The following SRP54 variants were observed in gnomAD, a reference collection of about 807,000 sequenced individuals.
The protein encoded by SRP54 is signal recognition particle 54.
SRP54 carries 10 observed loss-of-function variants against 64.8 expected under a neutral mutation model. That is an observed-to-expected ratio of 0.15 (90% CI 0.10 to 0.26). The LOEUF is 0.26. Ranked by LOEUF, SRP54 falls within the 10% of genes least tolerant of loss-of-function variation. SRP54 has a pLI of 1.00. For synonymous variants in SRP54, 193 were observed against 185.6 expected (o/e 1.04, Z -0.32); for missense variants, 325 against 613.7 (o/e 0.53, Z 4.97).
At chr14:35,017,291 A>C (rs939740923) in intron 11 of SRP54, among the ~76,000 whole-genome samples, 3 of 151,944 alleles carry the variant, frequency 2.0e-5, no homozygotes, top group African/African-American at 7.3e-5. Context: ...TCTATTTCTA[A>C]TATTCTACTC....
rs746865581 is a variant in SRP54 at position 35,008,608 on chromosome 14, T to G, written c.361-19T>G. Reference sequence around the variant, plus strand: ...GTTATATTTTATGATATTATATTTTTAAATCTTTTCTCACCCAGCTAGCAT... The same window carrying G: ...GTTATATTTTATGATATTATATTTTGAAATCTTTTCTCACCCAGCTAGCAT... On this transcript the variant is annotated intron_variant, in intron 5 of 15. Transcript: ENST00000216774. The G allele has an allele frequency of 6.0e-6, 9 of 1,492,142 alleles. No individual in the cohort carries two copies. The highest frequency in any genetic ancestry group is 8.1e-6 in the Non-Finnish European group (9 of 1,109,980). The allele number at this position is 1,492,142 out of a possible 1,614,324, so 92.4% of individuals were successfully genotyped here. A position where few individuals can be genotyped will look rare whatever the true frequency, so the allele number is the denominator to read the frequency against.
chr14:34,984,615 C>A (rs950401033), intron 1 of SRP54, among the ~76,000 whole-genome samples: 4 of 152,190 alleles, frequency 2.6e-5, no homozygotes, highest in Non-Finnish European at 4.4e-5. Flanking sequence ...AATTCTCCTG[C>A]CTCAGCCTTC....
At chr14:35,022,874 A>T (rs530156525) in intron 13 of SRP54, 36 bp from the exon 14 acceptor site, 1 of 1,538,206 alleles carries the variant, frequency 6.5e-7, no homozygotes, top group Non-Finnish European at 8.8e-7. Flanking sequence ...ATGGTGAATG[A>T]TAATTGTGTG....
Position 35,028,917 on chromosome 14 carries a change from G to C in SRP54, c.1424-144G>C, listed in dbSNP as rs1481987927. The C allele has an allele frequency of 5.1e-6, 3 of 591,310 alleles. No homozygotes were observed. The African/African-American group carries it at 5.7e-5, about 11-fold the overall frequency. 36.6% of individuals were successfully genotyped at this position (591,310 alleles called of 1,614,324 possible). ...AACTGGTGATAATACAAATTTTTAG[G>C]TGGTACGTTCTTTAAGGCTGATGAC... On this transcript the variant is annotated intron_variant, in intron 15 of 15. Transcript: ENST00000216774.
chr14:35,001,161 G>C (rs1594989040), intron 4 of SRP54, 141 bp downstream of exon 4: 1 of 217,044 alleles, frequency 4.6e-6, no homozygotes, highest in African/African-American at 2.4e-5. Flanking sequence ...GGATTATTGA[G>C]TTTTCTTAGG....
intron 13 of SRP54, 30 bp from the exon 14 acceptor site, chr14:35,022,880 G>A: frequency 1.3e-6 from 2 of 1,550,578 alleles, no homozygotes; most frequent in Non-Finnish European, 1.7e-6. Context: ...AATGATAATT[G>A]TGTGTGAGAG....
chr14:34,983,784 G>A (rs1226008959), intron 1 of SRP54, among the ~76,000 whole-genome samples: 2 of 152,092 alleles, frequency 1.3e-5, no homozygotes, highest in Non-Finnish European at 2.9e-5. Flanking sequence ...ACTTGTTCTT[G>A]GCTACAAGGA....
In SRP54 at chr14:34,996,813, A is replaced by G. The variant is rs772548558; in HGVS notation, c.78+26A>G. 19 of 1,445,860 alleles carry G rather than the reference A, an allele frequency of 1.3e-5. No homozygotes were observed. The East Asian group carries it at 3.9e-4, about 29-fold the overall frequency. 89.6% of individuals were successfully genotyped at this position (1,445,860 alleles called of 1,614,324 possible). A position where few individuals can be genotyped will look rare whatever the true frequency, so the allele number is the denominator to read the frequency against. On this transcript the variant is annotated intron_variant, in intron 2 of 15. Transcript: ENST00000216774. ...GTATGTAAAATATTGTATGAAATATATATGATTGTATATTGTCACTAGCAT... is the reference window on the plus strand; with the variant it reads ...GTATGTAAAATATTGTATGAAATATGTATGATTGTATATTGTCACTAGCAT...
chr14:35,018,597 CTTCAA>C, intron 11 of SRP54, 90 bp from the exon 12 acceptor site: 3 of 948,440 alleles, frequency 3.2e-6, no homozygotes, highest in Non-Finnish European at 4.8e-6. Context: ...TATAAATATG[CTTCAA>C]GATGAATTCA....
intron 1 of SRP54, among the ~76,000 whole-genome samples, chr14:34,987,289 A>G (rs1434628421): frequency 1.4e-5 from 1 of 71,346 alleles, no homozygotes; most frequent in Non-Finnish European, 3.6e-5. Context: ...ATATATATAC[A>G]CACACACACA....
chr14:35,000,931 TA>T lies in SRP54; in HGVS notation c.171-2del. ...CCACCCCAATCACCAACCACCATCA[TA>T]AAGGTCTGCTATTGATCTTGAAGAG... On this transcript the variant is annotated splice_polypyrimidine_tract_variant and splice_region_variant and intron_variant, in intron 3 of 15. Coordinates refer to ENST00000216774, the MANE Select transcript of SRP54 (RefSeq NM_003136.4). 1 of 1,554,894 alleles carries T rather than the reference TA, an allele frequency of 6.4e-7. No individual in the cohort carries two copies. The highest frequency in any genetic ancestry group is 8.7e-7 in the Non-Finnish European group (1 of 1,151,650).
intron 14 of SRP54, among the ~76,000 whole-genome samples, chr14:35,027,379 C>T (rs1040691311): frequency 2.0e-5 from 3 of 152,158 alleles, no homozygotes; most frequent in African/African-American, 7.2e-5. Context: ...AGTCTCTTTG[C>T]TAATTAACCC....
intron 14 of SRP54, among the ~76,000 whole-genome samples, chr14:35,026,894 G>A (rs755321575): frequency 2.0e-5 from 3 of 152,076 alleles, no homozygotes; most frequent in African/African-American, 4.8e-5. Context: ...AGTGGGCTGA[G>A]TTCGTGCCAT....
intron 7 of SRP54, among the ~76,000 whole-genome samples, chr14:35,011,302 T>A (rs1276648944): frequency 6.6e-6 from 1 of 152,198 alleles, no homozygotes. Flanking sequence ...AGAATCATAC[T>A]GGGTTTTGGA....
chr14:34,997,695 A>G (rs567766253), intron 2 of SRP54, among the ~76,000 whole-genome samples: 7 of 152,240 alleles, frequency 4.6e-5, no homozygotes, highest in Non-Finnish European at 1.0e-4. Flanking sequence ...AGACCATCTT[A>G]GAGATCATTT....
At chr14:34,996,871 T>C (rs1362912160) in intron 2 of SRP54, 84 bp downstream of exon 2, 1 of 1,009,604 alleles carries the variant, frequency 9.9e-7, no homozygotes, top group Non-Finnish European at 1.6e-6. Context: ...TCCCTGTATT[T>C]ATATGTATTT....
At chr14:34,983,850 C>T (rs747497655) in intron 1 of SRP54, among the ~76,000 whole-genome samples, 3 of 152,186 alleles carry the variant, frequency 2.0e-5, no homozygotes, top group Admixed American at 6.5e-5. Context: ...CATAAATACA[C>T]ATTATATCAA....
At position 34,997,567 on chromosome 14, in the gene SRP54, C is replaced by A. The variant is rs528072687; in HGVS notation, c.78+780C>A. ...ATAAAATAGGAAAAATAGCATTTAC[C>A]ATAGAAAATGGTTTTAAGTTTCAAA... On this transcript the variant is annotated intron_variant, in intron 2 of 15. Coordinates refer to ENST00000216774, the MANE Select transcript of SRP54 (RefSeq NM_003136.4). Among the ~76,000 whole-genome samples, 9 of 152,224 alleles carry A rather than the reference C, an allele frequency of 5.9e-5. No individual in the cohort carries two copies. The South Asian group carries it at 1.9e-3, about 32-fold the overall frequency.
intron 7 of SRP54, among the ~76,000 whole-genome samples, chr14:35,010,489 AGGCATGAT>A (rs1566650933): frequency 6.6e-6 from 1 of 152,076 alleles, no homozygotes; most frequent in South Asian, 2.1e-4. Context: ...ATTGGAGGCC[AGGCATGAT>A]GGCTCATGCA....
Sources: allele counts gnomAD v4.1 joint callset (sites outside exome capture counted in the v4.1 genomes callset), GRCh38; gene constraint gnomAD v4.1.1; transcripts MANE v1.5; gene names NCBI Gene and HGNC (gene_info 2026-07-23, HGNC 2026-07-21).